PARP16: variants seen among roughly 807,000 people sequenced by gnomAD.
PARP16 encodes the protein protein mono-ADP-ribosyltransferase PARP16.
PARP16 carries 31 observed loss-of-function variants against 35.0 expected under a neutral mutation model. The ratio of observed to expected loss-of-function variants is 0.88; its 90% confidence interval spans 0.66 to 1.19. The LOEUF is 1.19. PARP16 is among the 50% of genes most tolerant of loss of function. The pLI is 0.00. For missense variants in PARP16, 424 were observed against 411.2 expected, an observed-to-expected ratio of 1.03 and a Z score of -0.27; for synonymous variants, 162 against 169.5, an observed-to-expected ratio of 0.96 and a Z score of 0.34.
chr15:65,285,765 A>G (rs941737446), intron 1 of PARP16, among the ~76,000 whole-genome samples: 1 of 152,224 alleles, frequency 6.6e-6, no homozygotes, highest in Non-Finnish European at 1.5e-5. Flanking sequence ...TGCCTGGTGA[A>G]TCAGAGAAAT....
At chr15:65,281,047 G>A (rs1383746135) in intron 1 of PARP16, among the ~76,000 whole-genome samples, 2 of 152,264 alleles carry the variant, frequency 1.3e-5, no homozygotes, top group Admixed American at 6.5e-5. Flanking sequence ...ACTAAGCAGC[G>A]AGGGCCTGGA....
At chr15:65,283,255 T>C (rs189751040) in intron 1 of PARP16, among the ~76,000 whole-genome samples, 91 of 152,170 alleles carry the variant, frequency 6.0e-4, no homozygotes, top group Admixed American at 1.1e-3. Context: ...TGGACAACGT[T>C]GTGAGACCCC....
intron 3 of PARP16, 53 bp from the exon 4 acceptor site, chr15:65,263,373 G>C (rs1188611008): frequency 2.1e-6 from 3 of 1,454,094 alleles, no homozygotes; most frequent in Non-Finnish European, 2.8e-6. Flanking sequence ...ATGTACAGTT[G>C]GCACGGCAAG....
intron 2 of PARP16, 92 bp downstream of exon 2, chr15:65,270,843 G>A: frequency 1.6e-6 from 2 of 1,266,868 alleles, no homozygotes; most frequent in South Asian, 2.5e-5. Flanking sequence ...CAGGTCACTG[G>A]TACACAGGGA....
At chr15:65,262,130 C>CT (rs2089744041) in intron 4 of PARP16, among the ~76,000 whole-genome samples, 1 of 143,028 alleles carries the variant, frequency 7.0e-6, no homozygotes, top group Admixed American at 7.2e-5. Context: ...GATCTTTTTT[C>CT]TTTCTTTTTT....
chr15:65,233,857 C>T (rs764028521), downstream of PARP16, among the ~76,000 whole-genome samples: 1 of 152,058 alleles, frequency 6.6e-6, no homozygotes, highest in Non-Finnish European at 1.5e-5. Flanking sequence ...CCTTTGAATT[C>T]GTGACTTTTT....
rs1424144180 is a variant in PARP16, at chr15:65,258,654, A to AT, written c.*752dup. On this transcript the variant is annotated 3_prime_UTR_variant, in exon 6 of 6. Transcript: ENST00000649807. Reference sequence around the variant, plus strand: ...GCAAAGACTAATTTGTTAAACAGCTATTAAAAAAAAATCAGAAAACAAACA... The same window carrying AT: ...GCAAAGACTAATTTGTTAAACAGCTATTTAAAAAAAAATCAGAAAACAAACA... The AT allele has an allele frequency of 6.5e-6, 1 of 152,680 alleles. No individual in the cohort carries two copies. The highest frequency in any genetic ancestry group is 1.5e-5 in the Non-Finnish European group (1 of 68,048). 9.5% of individuals were successfully genotyped at this position (152,680 alleles called of 1,614,324 possible). A position where few individuals can be genotyped will look rare whatever the true frequency, so the allele number is the denominator to read the frequency against.
rs2089579287 is a variant in PARP16, at chr15:65,258,405, C to G, written c.*1002G>C. The G allele has an allele frequency of 6.6e-6, 1 of 152,250 alleles. No homozygotes were observed. Among genetic ancestry groups the G allele is most frequent in the Admixed American group, 6.5e-5 (1 of 15,288 alleles). 9.4% of individuals were successfully genotyped at this position (152,250 alleles called of 1,614,324 possible). ...TGAAGGAGGCTCCATCCACATGGATCTGTGGCACACTGGGGCAGGCCTCTG... is the reference window on the plus strand; with the variant it reads ...TGAAGGAGGCTCCATCCACATGGATGTGTGGCACACTGGGGCAGGCCTCTG... On this transcript the variant is annotated 3_prime_UTR_variant, in exon 6 of 6. Coordinates refer to ENST00000649807, the MANE Select transcript of PARP16 (RefSeq NM_001316943.2).
chr15:65,262,283 C>A (rs2089753771), intron 4 of PARP16, among the ~76,000 whole-genome samples: 1 of 152,186 alleles, frequency 6.6e-6, no homozygotes, highest in Non-Finnish European at 1.5e-5. Flanking sequence ...CAGGCACACG[C>A]CACCACACCC....
At chr15:65,282,518 A>G (rs1309026662) in intron 1 of PARP16, 6 of 152,254 alleles carry the variant, frequency 3.9e-5, no homozygotes, top group African/African-American at 7.2e-5. Flanking sequence ...GAATGTATGC[A>G]TGTCCCCAGA....
chr15:65,247,173 T>C (rs2089231063), intron 3 of PARP16, among the ~76,000 whole-genome samples: 1 of 152,156 alleles, frequency 6.6e-6, no homozygotes, highest in African/African-American at 2.4e-5. Context: ...TAAAAATTTG[T>C]TGTAGAGACA....
intron 3 of PARP16, among the ~76,000 whole-genome samples, chr15:65,243,969 G>A (rs4776675): frequency 0.97 from 147,309 of 151,886 alleles, 71,571 homozygotes; most frequent in East Asian, 1. Context: ...CCACCTCTCT[G>A]CTTAAGGGTC....
Position 65,271,035 on chromosome 15 carries a change from A to C in PARP16, c.212T>G (p.Leu71Arg), listed in dbSNP as rs1164183627. 2 of 1,613,954 alleles carry C rather than the reference A, an allele frequency of 1.2e-6. No individual in the cohort carries two copies. The highest frequency in any genetic ancestry group is 2.2e-5 in the South Asian group (2 of 91,080). The stretch of plus-strand genomic sequence containing the variant: ...GTGGTTGTCTCCGGAGGACTGGAGA[A>C]GTTCTTTCAGGTTAGGTAACTTGCT... The part of the protein sequence containing the change: ...DASKLPNLKE[L>R]LQSSGDNHKR... Residue 71 changes from leucine (L) to arginine (R), a missense_variant, in exon 2 of 6, where the codon CTT becomes CGT. Coordinates refer to ENST00000649807, the MANE Select transcript of PARP16 (RefSeq NM_001316943.2).
At chr15:65,279,335 A>G (rs763978949) in intron 1 of PARP16, among the ~76,000 whole-genome samples, 1 of 152,176 alleles carries the variant, frequency 6.6e-6, no homozygotes, top group African/African-American at 2.4e-5. Flanking sequence ...TATTATTATT[A>G]TCAATCAAAT....
At chr15:65,279,332 A>T (rs1351888893) in intron 1 of PARP16, among the ~76,000 whole-genome samples, 2 of 152,184 alleles carry the variant, frequency 1.3e-5, no homozygotes. Context: ...CTATATTATT[A>T]TTATCAATCA....
chr15:65,265,117 A>G (rs1258792838), intron 3 of PARP16, among the ~76,000 whole-genome samples: 1 of 152,194 alleles, frequency 6.6e-6, no homozygotes, highest in African/African-American at 2.4e-5. Flanking sequence ...CACCAGGGAA[A>G]TATCTCCAGT....
In PARP16 at chr15:65,271,054, A is replaced by G; in HGVS notation, c.193T>C (p.Leu65=). 1.2e-6 allele frequency: 2 copies of G among 1,614,048 alleles called. No homozygotes were observed. The highest frequency in any genetic ancestry group is 1.7e-6 in the Non-Finnish European group (2 of 1,179,988). Residue 65 remains leucine, a synonymous_variant, in exon 2 of 6, where the codon TTA becomes CTA. Coordinates refer to ENST00000649807, the MANE Select transcript of PARP16 (RefSeq NM_001316943.2). ...FEALLADASK[L]PNLKELLQSS... The stretch of plus-strand genomic sequence containing the variant: ...TGGAGAAGTTCTTTCAGGTTAGGTA[A>G]CTTGCTGGCATCTGCAAGCTGAAGC...
rs567101828 is a variant in PARP16 at position 65,286,229 on chromosome 15, A to T, written c.174+24T>A. The T allele has an allele frequency of 1.1e-4, 174 of 1,524,520 alleles. 2 individuals carry two copies. In the East Asian group the frequency reaches 4.3e-3, roughly 38 times the overall value. 94.4% of individuals were successfully genotyped at this position (1,524,520 alleles called of 1,614,324 possible). ...GCACTTGGTCCAGGACGCAGTGGGC[A>T]GCGCCAGGACAAAGCACACTCACCA... On this transcript the variant is annotated intron_variant, in intron 1 of 5. Transcript: ENST00000649807.
At position 65,260,927 on chromosome 15, in the gene PARP16, C is replaced by T. The variant is rs776528316; in HGVS notation, c.791G>A (p.Arg264Gln). ...TGAATACACCAGGAGGTACTTCACT[C>T]GCAGCAGCTGGTTATTGGTGACCAC... is the stretch of plus-strand genomic sequence containing the variant. ...YFVVTNNQLL[R>Q]VKYLLVYSQK... Residue 264 changes from arginine to glutamine, a missense_variant, in exon 5 of 6, where the codon CGA becomes CAA. Coordinates refer to ENST00000649807, the MANE Select transcript of PARP16 (RefSeq NM_001316943.2). The T allele has an allele frequency of 2.1e-5, 34 of 1,613,892 alleles. No individual in the cohort carries two copies. The highest frequency in any genetic ancestry group is 9.3e-5 in the African/African-American group (7 of 74,924).
Sources: allele counts gnomAD v4.1 joint callset (sites outside exome capture counted in the v4.1 genomes callset), GRCh38; gene constraint gnomAD v4.1.1; transcripts MANE v1.5; gene names NCBI Gene and HGNC (gene_info 2026-07-23, HGNC 2026-07-21).